NFATC3: variants seen among roughly 807,000 people sequenced by gnomAD.
The protein encoded by NFATC3 is nuclear factor of activated T-cells, cytoplasmic 3.
In NFATC3, 46 loss-of-function variants were observed where a neutral mutation model predicts 98.6. That is an observed-to-expected ratio of 0.47 (90% CI 0.37 to 0.60). The LOEUF is 0.60. Ranked by LOEUF, NFATC3 falls within the 20% of genes least tolerant of loss-of-function variation. The pLI is 0.00. For missense variants in NFATC3, 1,256 were observed against 1,295.5 expected, an observed-to-expected ratio of 0.97 and a Z score of 0.47; for synonymous variants, 512 against 472.2, an observed-to-expected ratio of 1.08 and a Z score of -1.09.
chr16:68,086,546 A>G lies in NFATC3; in HGVS notation c.103+762A>G, dbSNP rs547114692. The G allele has an allele frequency of 3.7e-5, 24 of 650,402 alleles. No individual in the cohort carries two copies. The South Asian group carries it at 1.3e-3, about 36-fold the overall frequency. The allele number at this position is 650,402 out of a possible 1,614,324, so 40.3% of individuals were successfully genotyped here. ...GCTTGCAGGTCAGACCAATCAGGAA[A>G]TAGAAACAGGATGACTGGGGACTTA... On this transcript the variant is annotated intron_variant, in intron 1 of 9. Coordinates refer to ENST00000346183, the MANE Select transcript of NFATC3 (RefSeq NM_173165.3).
chr16:68,167,677 C>CA (rs763048794), intron 5 of NFATC3, among the ~76,000 whole-genome samples: 6 of 151,966 alleles, frequency 3.9e-5, no homozygotes, highest in Non-Finnish European at 8.8e-5. Flanking sequence ...TAGGAGAAAA[C>CA]AGAGGCACAA....
intron 9 of NFATC3, among the ~76,000 whole-genome samples, chr16:68,199,399 A>G (rs1176480609): frequency 6.9e-6 from 1 of 145,694 alleles, no homozygotes; most frequent in Non-Finnish European, 1.5e-5. Flanking sequence ...AATTTTTTGT[A>G]TTTTTTAGTA....
chr16:68,133,222 G>A (rs778743863), intron 3 of NFATC3, among the ~76,000 whole-genome samples: 4 of 152,154 alleles, frequency 2.6e-5, no homozygotes, highest in East Asian at 1.9e-4. Flanking sequence ...CTGAGATTGC[G>A]CCACTGCACT....
chr16:68,089,879 A>G (rs752173537), intron 1 of NFATC3, among the ~76,000 whole-genome samples: 5 of 152,310 alleles, frequency 3.3e-5, no homozygotes, highest in South Asian at 4.1e-4. Flanking sequence ...AGTTACTGGA[A>G]GGAATGTGCT....
chr16:68,191,825 T>C (rs1212372058), intron 9 of NFATC3, 50 bp downstream of exon 9: 3 of 1,595,778 alleles, frequency 1.9e-6, no homozygotes, highest in Non-Finnish European at 2.6e-6. Context: ...TCAGGGACTT[T>C]ATTCTCCCAA....
intron 6 of NFATC3, among the ~76,000 whole-genome samples, chr16:68,177,602 TG>T (rs2039774886): frequency 6.6e-6 from 1 of 152,108 alleles, no homozygotes; most frequent in South Asian, 2.1e-4. Flanking sequence ...TTTTTTATTA[TG>T]TTTTTTCTTA....
chr16:68,212,120 A>AC (rs2041432184), intron 9 of NFATC3, among the ~76,000 whole-genome samples: 1 of 152,112 alleles, frequency 6.6e-6, no homozygotes, highest in Admixed American at 6.5e-5. Flanking sequence ...GAGATTGGGA[A>AC]CCCCCAGAAA....
chr16:68,155,958 G>A (rs573796158), intron 3 of NFATC3, among the ~76,000 whole-genome samples: 2 of 152,232 alleles, frequency 1.3e-5, no homozygotes, highest in African/African-American at 4.8e-5. Context: ...TGAGGAAAAG[G>A]TGGATTCCGT....
chr16:68,102,117 A>C (rs1036516782), intron 1 of NFATC3, among the ~76,000 whole-genome samples: 1 of 152,094 alleles, frequency 6.6e-6, no homozygotes, highest in Non-Finnish European at 1.5e-5. Context: ...CACGCCTGTA[A>C]TCCCAGCACT....
intron 3 of NFATC3, among the ~76,000 whole-genome samples, chr16:68,137,687 C>T (rs1212577788): frequency 6.6e-6 from 1 of 151,062 alleles, no homozygotes; most frequent in Non-Finnish European, 1.5e-5. Context: ...GATCTCCGCT[C>T]ACTGCAAGCT....
intron 9 of NFATC3, chr16:68,217,623 A>G: frequency 8.1e-7 from 1 of 1,229,980 alleles, no homozygotes; most frequent in Non-Finnish European, 1.0e-6. Flanking sequence ...GATCCCAGAG[A>G]CATTTCCACA....
At chr16:68,106,148 G>A (rs1287800226) in intron 1 of NFATC3, among the ~76,000 whole-genome samples, 1 of 151,932 alleles carries the variant, frequency 6.6e-6, no homozygotes, top group East Asian at 1.9e-4. Context: ...GGGATTATAG[G>A]TGTGAGCCGC....
intron 9 of NFATC3, among the ~76,000 whole-genome samples, chr16:68,212,172 A>G (rs56028638): frequency 6.6e-6 from 1 of 152,222 alleles, no homozygotes; most frequent in African/African-American, 2.4e-5. Context: ...CTTTGCACAC[A>G]CTGTAATCTT....
intron 9 of NFATC3, chr16:68,218,133 C>A: frequency 1.5e-6 from 1 of 668,584 alleles, no homozygotes; most frequent in Non-Finnish European, 1.9e-6. Flanking sequence ...ACGATCATAG[C>A]TTACTGCATC....
intron 9 of NFATC3, among the ~76,000 whole-genome samples, chr16:68,199,087 G>A (rs1442885215): frequency 6.6e-6 from 1 of 151,796 alleles, no homozygotes; most frequent in Non-Finnish European, 1.5e-5. Context: ...ATGGTGATGT[G>A]TGCCTATAGT....
At chr16:68,151,094 C>T (rs2038295389) in intron 3 of NFATC3, among the ~76,000 whole-genome samples, 1 of 152,078 alleles carries the variant, frequency 6.6e-6, no homozygotes, top group Non-Finnish European at 1.5e-5. Flanking sequence ...GTAGCTCACA[C>T]CTGTAATCAC....
At position 68,181,463 on chromosome 16, in the gene NFATC3, T is replaced by A; in HGVS notation, c.1916-12T>A. 6.2e-7 allele frequency: 1 copy of A among 1,606,192 alleles called. No individual in the cohort carries two copies. Among genetic ancestry groups the A allele is most frequent in the Admixed American group, 1.7e-5 (1 of 59,768 alleles). On this transcript the variant is annotated splice_polypyrimidine_tract_variant and intron_variant, in intron 6 of 9. Coordinates refer to ENST00000346183, the MANE Select transcript of NFATC3 (RefSeq NM_173165.3). ...TGAATTGCTTTTAACTATAAACTCT[T>A]TCTTTCAATAGATGGACGACCTCAG...
chr16:68,195,916 C>T (rs1161654214), intron 9 of NFATC3, among the ~76,000 whole-genome samples: 1 of 152,128 alleles, frequency 6.6e-6, no homozygotes, highest in African/African-American at 2.4e-5. Flanking sequence ...TGCAGTAGTG[C>T]AATCTTGGCT....
At chr16:68,206,954 C>T (rs764236389) in intron 9 of NFATC3, among the ~76,000 whole-genome samples, 28 of 149,470 alleles carry the variant, frequency 1.9e-4, no homozygotes, top group South Asian at 6.4e-4. Context: ...TGCACTCCAA[C>T]CCGGGCAACA....
Sources: allele counts gnomAD v4.1 joint callset (sites outside exome capture counted in the v4.1 genomes callset), GRCh38; gene constraint gnomAD v4.1.1; transcripts MANE v1.5; gene names NCBI Gene and HGNC (gene_info 2026-07-23, HGNC 2026-07-21).